CSMD1: variants seen among roughly 807,000 people sequenced by gnomAD.
CSMD1 encodes CUB and Sushi multiple domains 1, also known as CUB and sushi domain-containing protein 1.
Under a neutral mutation model 417.5 loss-of-function variants are expected in CSMD1, and 213 were observed. The observed-to-expected ratio is 0.51, with a 90% CI of 0.46 to 0.57. CSMD1 has a LOEUF of 0.57. Ranked by LOEUF, CSMD1 falls within the 20% of genes least tolerant of loss-of-function variation. The probability of loss-of-function intolerance (pLI) is 0.00; values close to 1 mark genes in which losing one functional copy is unlikely to be tolerated. For synonymous variants in CSMD1, 2,862 were observed against 1,736.8 expected, an observed-to-expected ratio of 1.65 and a Z score of -16.11; for missense variants, 6,923 against 4,529.7, an observed-to-expected ratio of 1.53 and a Z score of -15.17.
intron 3 of CSMD1, among the ~76,000 whole-genome samples, chr8:4,084,960 G>C (rs1163530206): frequency 1.3e-5 from 2 of 152,160 alleles, no homozygotes; most frequent in African/African-American, 2.4e-5. Flanking sequence ...CCTGCAGAAA[G>C]AAGGAGATGG....
intron 23 of CSMD1, among the ~76,000 whole-genome samples, chr8:3,326,655 G>T (rs1585004426): frequency 6.6e-6 from 1 of 152,272 alleles, no homozygotes; most frequent in African/African-American, 2.4e-5. Context: ...TTCCCTCCTT[G>T]TAAAATGCCC....
chr8:3,575,035 G>C lies in CSMD1; in HGVS notation c.1254C>G (p.Pro418=), dbSNP rs751428453. ...ARTCGSNLRG[P]SGVITSPNYP... ...AATTAGGGGAGGTAATGACGCCGCT[G>C]GGCCCACGCAGATTGGATCCACATG... Residue 418 remains proline (P), a synonymous_variant, in exon 10 of 70, where the codon CCC becomes CCG. Coordinates refer to ENST00000635120, the MANE Select transcript of CSMD1 (RefSeq NM_033225.6). 20 of 1,613,342 alleles carry C rather than the reference G, an allele frequency of 1.2e-5. No individual in the cohort carries two copies. The highest frequency in any genetic ancestry group is 2.7e-5 in the African/African-American group (2 of 74,906).
chr8:3,095,666 G>A (rs941687487), intron 47 of CSMD1, among the ~76,000 whole-genome samples: 2 of 152,016 alleles, frequency 1.3e-5, no homozygotes, highest in East Asian at 1.9e-4. Context: ...TTTTTTCACT[G>A]AATTGATTGT....
At chr8:4,398,715 A>G (rs1189242881) in intron 3 of CSMD1, among the ~76,000 whole-genome samples, 2 of 152,104 alleles carry the variant, frequency 1.3e-5, no homozygotes, top group African/African-American at 4.8e-5. Flanking sequence ...ATTTAGCTAC[A>G]GCTTTCAAAC....
In CSMD1 at chr8:4,958,859, A is replaced by T. The variant is rs538941761; in HGVS notation, c.85+35473T>A. Among the ~76,000 whole-genome samples, 3 of 152,322 alleles carry T rather than the reference A, an allele frequency of 2.0e-5. No homozygotes were observed. The South Asian group carries it at 6.2e-4, about 32-fold the overall frequency. On this transcript the variant is annotated intron_variant, in intron 1 of 69. Coordinates refer to ENST00000635120, the MANE Select transcript of CSMD1 (RefSeq NM_033225.6). ...AAAAATGCATGTCCTTTAGTCAAAGAAAGCAGGTAATTTATTGACTTCTCA... is the reference window on the plus strand; with the variant it reads ...AAAAATGCATGTCCTTTAGTCAAAGTAAGCAGGTAATTTATTGACTTCTCA...
chr8:4,116,050 G>C (rs922719813), intron 3 of CSMD1, among the ~76,000 whole-genome samples: 15 of 151,686 alleles, frequency 9.9e-5, no homozygotes, highest in African/African-American at 3.1e-4. Flanking sequence ...TCCCAGGCTA[G>C]ATTGTAGTGG....
chr8:3,783,747 T>TC (rs1203822702), intron 5 of CSMD1, among the ~76,000 whole-genome samples: 1 of 152,092 alleles, frequency 6.6e-6, no homozygotes, highest in African/African-American at 2.4e-5. Flanking sequence ...GCTATTCAGA[T>TC]CCCCCTTTGC....
chr8:4,217,269 A>G (rs1384231559), intron 3 of CSMD1, among the ~76,000 whole-genome samples: 2 of 152,214 alleles, frequency 1.3e-5, no homozygotes, highest in Admixed American at 1.3e-4. Flanking sequence ...GAATTTGCAG[A>G]AGTCTTTCAT....
At chr8:4,569,646 T>C (rs902423482) in intron 2 of CSMD1, among the ~76,000 whole-genome samples, 8 of 152,198 alleles carry the variant, frequency 5.3e-5, no homozygotes, top group Non-Finnish European at 8.8e-5. Context: ...TGGTTCCACA[T>C]GACCTTTAGT....
intron 1 of CSMD1, among the ~76,000 whole-genome samples, chr8:4,892,835 A>T (rs1804215515): frequency 6.6e-6 from 1 of 152,118 alleles, no homozygotes; most frequent in African/African-American, 2.4e-5. Context: ...CATAGTATAA[A>T]CACACCTTAA....
chr8:4,103,036 C>T (rs1340821922), intron 3 of CSMD1, among the ~76,000 whole-genome samples: 1 of 152,130 alleles, frequency 6.6e-6, no homozygotes, highest in Non-Finnish European at 1.5e-5. Flanking sequence ...TGAGTTGACT[C>T]AGCGGGTCAG....
intron 1 of CSMD1, among the ~76,000 whole-genome samples, chr8:4,779,817 G>C (rs79366782): frequency 0.01 from 1,540 of 152,276 alleles, 11 homozygotes; most frequent in East Asian, 0.049. Flanking sequence ...CCTGGGCCTG[G>C]AAGCCTGCTA....
intron 54 of CSMD1, among the ~76,000 whole-genome samples, chr8:2,985,299 A>G (rs909383189): frequency 2.6e-5 from 4 of 152,160 alleles, no homozygotes; most frequent in Non-Finnish European, 4.4e-5. Context: ...AAAACACATG[A>G]TATTTCCACA....
intron 3 of CSMD1, among the ~76,000 whole-genome samples, chr8:4,294,214 G>A (rs1358090727): frequency 3.9e-5 from 6 of 152,290 alleles, no homozygotes; most frequent in African/African-American, 4.8e-5. Context: ...ACCAAAATGC[G>A]GGAGAAACTG....
At chr8:4,843,841 C>T (rs1235084839) in intron 1 of CSMD1, among the ~76,000 whole-genome samples, 1 of 152,136 alleles carries the variant, frequency 6.6e-6, no homozygotes, top group Non-Finnish European at 1.5e-5. Context: ...GAGAGCTGAA[C>T]CCTGAATTTG....
chr8:4,957,150 G>A (rs541945638), intron 1 of CSMD1, among the ~76,000 whole-genome samples: 4 of 152,276 alleles, frequency 2.6e-5, no homozygotes, highest in African/African-American at 4.8e-5. Context: ...CTGGCAATTA[G>A]GTAAAAACAG....
intron 23 of CSMD1, among the ~76,000 whole-genome samples, chr8:3,330,166 T>C (rs1420466681): frequency 1.3e-5 from 2 of 152,162 alleles, no homozygotes; most frequent in African/African-American, 2.4e-5. Flanking sequence ...CTTACATTGA[T>C]AAACTTCTTC....
intron 3 of CSMD1, among the ~76,000 whole-genome samples, chr8:4,179,285 C>G (rs1373534066): frequency 2.6e-5 from 4 of 152,130 alleles, no homozygotes; most frequent in Non-Finnish European, 5.9e-5. Context: ...GTATCTACAA[C>G]TATCTGATCT....
Position 4,752,571 on chromosome 8 carries a change from G to A in CSMD1, c.86-115013C>T, listed in dbSNP as rs118103330. On this transcript the variant is annotated intron_variant, in intron 1 of 69. Coordinates refer to ENST00000635120, the MANE Select transcript of CSMD1 (RefSeq NM_033225.6). The stretch of plus-strand genomic sequence containing the variant: ...GTACCCAGATGCACAGAGTGAAAAC[G>A]AAGTGAATTAAATGCATGAGTGAAA... 3.9e-3 allele frequency among the ~76,000 whole-genome samples: 591 copies of A among 152,232 alleles called. 2 individuals are homozygous for A. Among genetic ancestry groups the A allele is most frequent in the Non-Finnish European group, 6.0e-3 (408 of 68,010 alleles).
Sources: allele counts gnomAD v4.1 joint callset (sites outside exome capture counted in the v4.1 genomes callset), GRCh38; gene constraint gnomAD v4.1.1; transcripts MANE v1.5; gene names NCBI Gene and HGNC (gene_info 2026-07-23, HGNC 2026-07-21).